MBOAT1: variants seen among roughly 807,000 people sequenced by gnomAD.
MBOAT1 encodes membrane-bound glycerophospholipid O-acyltransferase 1.
In MBOAT1, 67 loss-of-function variants were observed where a neutral mutation model predicts 64.4. The observed-to-expected ratio is 1.04, with a 90% confidence interval of 0.85 to 1.27. The LOEUF (loss-of-function observed/expected upper bound fraction) is 1.27. Among genes scored for constraint, MBOAT1 ranks in the 50% most tolerant of loss-of-function variants. The pLI is 0.00. For synonymous variants in MBOAT1, 229 were observed against 218.9 expected, an observed-to-expected ratio of 1.05 and a Z score of -0.41; for missense variants, 563 against 604.6, an observed-to-expected ratio of 0.93 and a Z score of 0.72.
intron 1 of MBOAT1, among the ~76,000 whole-genome samples, chr6:20,208,455 A>AAAAAAAAAAAAAAAAAAAAAAAC (rs1763326375): frequency 6.7e-6 from 1 of 150,030 alleles, no homozygotes; most frequent in Non-Finnish European, 1.5e-5. Context: ...CAAAAAAAAA[A>AAAAAAAAAAAAAAAAAAAAAAAC]AGAAACTTTG....
rs187160398 is a variant in MBOAT1 at position 20,184,030 on chromosome 6, C to G, written c.99+28106G>C. On this transcript the variant is annotated intron_variant, in intron 1 of 12. Transcript: ENST00000324607. Reference sequence around the variant, plus strand: ...GGCCCCCATGATTCAATTATCTCCCCCTGTGTCCCTCACATAACACGTGGG... The same window carrying G: ...GGCCCCCATGATTCAATTATCTCCCGCTGTGTCCCTCACATAACACGTGGG... 1.6e-4 allele frequency among the ~76,000 whole-genome samples: 25 copies of G among 152,286 alleles called. 1 individual carries two copies. The East Asian group carries it at 3.9e-3, about 23-fold the overall frequency.
intron 1 of MBOAT1, among the ~76,000 whole-genome samples, chr6:20,206,259 C>T (rs1763262161): frequency 6.6e-6 from 1 of 152,112 alleles, no homozygotes; most frequent in African/African-American, 2.4e-5. Flanking sequence ...CTGCAACTTC[C>T]CCATCCTGGG....
Position 20,109,753 on chromosome 6 carries a change from C to T in MBOAT1, c.1210-4G>A. 1 of 1,612,074 alleles carries T rather than the reference C, an allele frequency of 6.2e-7. No individual in the cohort carries two copies. The highest frequency in any genetic ancestry group is 2.2e-5 in the East Asian group (1 of 44,824). On this transcript the variant is annotated splice_polypyrimidine_tract_variant and splice_region_variant and intron_variant, in intron 11 of 12. Transcript: ENST00000324607. ...AATGTCTGTAGTTGTTCCTGACCTG[C>T]AGGCCAACACAGGCAACAGTAGTGA...
chr6:20,187,500 CT>C (rs1561781625), intron 1 of MBOAT1, among the ~76,000 whole-genome samples: 1 of 152,242 alleles, frequency 6.6e-6, no homozygotes, highest in Non-Finnish European at 1.5e-5. Context: ...TCACCTTCTC[CT>C]TCCCACTTTC....
chr6:20,211,758 G>T (rs2113783945), intron 1 of MBOAT1, among the ~76,000 whole-genome samples: 1 of 151,898 alleles, frequency 6.6e-6, no homozygotes, highest in Non-Finnish European at 1.5e-5. Flanking sequence ...TTTAAGTAGG[G>T]TCATCTAAAT....
intron 1 of MBOAT1, among the ~76,000 whole-genome samples, chr6:20,197,720 A>C (rs1005293108): frequency 1.3e-5 from 2 of 152,210 alleles, no homozygotes; most frequent in African/African-American, 4.8e-5. Flanking sequence ...TCTCCCTAAA[A>C]TGTATAAAAC....
At chr6:20,114,311 C>G (rs1760257143) in intron 10 of MBOAT1, among the ~76,000 whole-genome samples, 6 of 152,154 alleles carry the variant, frequency 3.9e-5, no homozygotes, top group Admixed American at 3.9e-4. Flanking sequence ...ATAGGCATAT[C>G]ACTAGGTAGA....
intron 3 of MBOAT1, among the ~76,000 whole-genome samples, chr6:20,148,016 C>T (rs1203475897): frequency 1.3e-5 from 2 of 152,196 alleles, no homozygotes; most frequent in Non-Finnish European, 2.9e-5. Context: ...AGTTGGTTCA[C>T]GTAGGGTAAA....
chr6:20,128,798 T>G (rs1403818662), intron 5 of MBOAT1, 45 bp from the exon 6 acceptor site: 7 of 1,365,890 alleles, frequency 5.1e-6, no homozygotes, highest in Non-Finnish European at 7.2e-6. Context: ...TTGAAGTGAA[T>G]TAGATGACAA....
chr6:20,132,530 G>A (rs1230481046), intron 4 of MBOAT1, among the ~76,000 whole-genome samples: 1 of 152,132 alleles, frequency 6.6e-6, no homozygotes, highest in African/African-American at 2.4e-5. Flanking sequence ...TTAACAAATG[G>A]TATTGGGACA....
In MBOAT1 at chr6:20,112,975, C is replaced by T. The variant is rs374754346; in HGVS notation, c.1110G>A (p.Thr370=). ...VCYQRVPWYP[T]VLTFILSALW... is the part of the protein sequence containing the mutation. ...AAGCAGACAGGATGAAGGTTAGCAC[C>T]GTGGGGTACCATGGAACCCGCTGAT... is the stretch of plus-strand genomic sequence containing the variant. The change falls in exon 11 of 13, where the codon ACG becomes ACA. Residue 370 remains threonine (T), a synonymous_variant. Coordinates refer to ENST00000324607, the MANE Select transcript of MBOAT1 (RefSeq NM_001080480.3). 1.5e-5 allele frequency: 24 copies of T among 1,614,048 alleles called. No homozygotes were observed. Among genetic ancestry groups the T allele is most frequent in the South Asian group, 7.7e-5 (7 of 91,080 alleles).
chr6:20,130,825 C>A (rs1760803462), intron 5 of MBOAT1, among the ~76,000 whole-genome samples: 1 of 152,060 alleles, frequency 6.6e-6, no homozygotes, highest in Non-Finnish European at 1.5e-5. Flanking sequence ...GATGTCATTT[C>A]TTTTTAACAG....
chr6:20,140,225 G>A (rs1761130423), intron 4 of MBOAT1, among the ~76,000 whole-genome samples: 1 of 152,120 alleles, frequency 6.6e-6, no homozygotes, highest in African/African-American at 2.4e-5. Flanking sequence ...TAATTCAATG[G>A]CAATTATTTT....
chr6:20,182,002 A>T (rs1246609185), intron 1 of MBOAT1, among the ~76,000 whole-genome samples: 1 of 152,206 alleles, frequency 6.6e-6, no homozygotes, highest in African/African-American at 2.4e-5. Context: ...ATCACAGGGT[A>T]ACCTATGTAG....
At chr6:20,114,871 G>A (rs1380694561) in intron 10 of MBOAT1, among the ~76,000 whole-genome samples, 5 of 141,136 alleles carry the variant, frequency 3.5e-5, no homozygotes, top group Admixed American at 7.2e-5. Flanking sequence ...GCGACATAGC[G>A]AAACTCCTTC....
chr6:20,126,465 A>AG, intron 7 of MBOAT1, 52 bp downstream of exon 7: 1 of 1,465,004 alleles, frequency 6.8e-7, no homozygotes, highest in South Asian at 1.3e-5. Context: ...CCATTATTAG[A>AG]GAGAGTCAAC....
At chr6:20,172,853 T>A (rs6915369) in intron 1 of MBOAT1, among the ~76,000 whole-genome samples, 2,262 of 152,220 alleles carry the variant, frequency 0.015, 59 homozygotes, top group African/African-American at 0.051. Flanking sequence ...ATGGGTTGGA[T>A]CAGTGTCCCC....
intron 12 of MBOAT1, 140 bp from the exon 13 acceptor site, chr6:20,102,552 C>A (rs767289210): frequency 1.6e-6 from 1 of 631,896 alleles, no homozygotes; most frequent in East Asian, 3.0e-5. Flanking sequence ...AGGCTTCCCT[C>A]AATCTGCTCC....
At chr6:20,150,673 C>T (rs1414163224) in intron 3 of MBOAT1, among the ~76,000 whole-genome samples, 1 of 150,702 alleles carries the variant, frequency 6.6e-6, no homozygotes, top group Non-Finnish European at 1.5e-5. Context: ...AGTGATTCTC[C>T]TGCCTCAGCG....
Sources: gnomAD v4.1 joint callset for allele counts (sites outside exome capture counted in the v4.1 genomes callset) on GRCh38, gnomAD v4.1.1 for gene constraint, MANE v1.5 for transcripts, NCBI Gene and HGNC (gene_info 2026-07-23, HGNC 2026-07-21) for gene names.